Variants in BRD1 observed in about 807,000 individuals in gnomAD.
The protein encoded by BRD1 is bromodomain containing 1.
BRD1 carries 24 observed loss-of-function variants against 107.7 expected under a neutral mutation model. The ratio of observed to expected loss-of-function variants is 0.22; its 90% CI spans 0.16 to 0.31. The LOEUF (loss-of-function observed/expected upper bound fraction) is 0.31. BRD1 is among the 10% of genes least tolerant of loss of function. BRD1 has a pLI of 1.00. For missense variants in BRD1, 1,279 were observed against 1,638.6 expected (o/e 0.78, Z 3.79); for synonymous variants, 744 against 686.1 (o/e 1.08, Z -1.32).
rs145106077 is a variant in BRD1 at position 49,776,461 on chromosome 22, G to A, written c.3122-302C>T. ...CAGTCCCTTCTGAGCCCTCCTTGCC[G>A]CAAGGACGGGGCTCCCAGCATGCTC... On this transcript the variant is annotated intron_variant, in intron 10 of 12. Coordinates refer to ENST00000404760, the MANE Select transcript of BRD1 (RefSeq NM_001304808.3). Among the ~76,000 whole-genome samples the A allele has an allele frequency of 3.3e-3, 497 of 152,296 alleles. 3 individuals carry two copies. Among genetic ancestry groups the A allele is most frequent in the Non-Finnish European group, 4.8e-3 (327 of 68,012 alleles).
At chr22:49,779,005 C>G (rs537154451) in intron 8 of BRD1, among the ~76,000 whole-genome samples, 4 of 152,324 alleles carry the variant, frequency 2.6e-5, no homozygotes, top group African/African-American at 7.2e-5. Context: ...TCCTGCCTAC[C>G]TACCTCATCC....
chr22:49,789,941 G>T (rs1189576448), intron 7 of BRD1, among the ~76,000 whole-genome samples: 2 of 152,186 alleles, frequency 1.3e-5, no homozygotes, highest in Non-Finnish European at 2.9e-5. Context: ...CTAACCCCTG[G>T]TCTATCCCAA....
At position 49,783,723 on chromosome 22, in the gene BRD1, G is replaced by T. The variant is rs972494988; in HGVS notation, c.2857+3667C>A. Among the ~76,000 whole-genome samples the T allele has an allele frequency of 6.6e-6, 1 of 152,040 alleles. No homozygotes were observed. Among genetic ancestry groups the T allele is most frequent in the Non-Finnish European group, 1.5e-5 (1 of 68,008 alleles). ...GGGCGCCAGCACCATTCCCACTGCC[G>T]GGCTCTGACTTACAGAGGGGGTGGG... On this transcript the variant is annotated intron_variant, in intron 8 of 12. Coordinates refer to ENST00000404760, the MANE Select transcript of BRD1 (RefSeq NM_001304808.3). The surrounding 1 kb of genome is among the most constrained non-coding windows in gnomAD (Gnocchi z 4.2).
chr22:49,798,542 C>T lies in BRD1; in HGVS notation c.1785+16G>A, dbSNP rs779399270. ...TCACACATGCGGCAGGACAGACGAG[C>T]GCCGCAAACACCCACCTCCTTCAGA... On this transcript the variant is annotated intron_variant, in intron 5 of 12. Coordinates refer to ENST00000404760, the MANE Select transcript of BRD1 (RefSeq NM_001304808.3). 3.7e-6 allele frequency: 6 copies of T among 1,614,082 alleles called. No individual in the cohort carries two copies. Among genetic ancestry groups the T allele is most frequent in the East Asian group, 2.2e-5 (1 of 44,890 alleles).
intron 10 of BRD1, among the ~76,000 whole-genome samples, chr22:49,776,663 C>A (rs1166457424): frequency 6.6e-6 from 1 of 152,216 alleles, no homozygotes; most frequent in East Asian, 1.9e-4. Context: ...GGGCCTCCCC[C>A]TCCCCCAGGG....
At position 49,823,792 on chromosome 22, in the gene BRD1, C is replaced by G. The variant is rs1470249609; in HGVS notation, c.526G>C (p.Asp176His). ...CTCTGCGACACGGCGGGGACGCAGT[C>G]GCCCTTGCGCTTCTCATTGACGATC... is the stretch of plus-strand genomic sequence containing the variant. ...LEIVNEKRKG[D>H]CVPAVSQSMF... The change falls in exon 2 of 13, where the codon GAC becomes CAC. Residue 176 changes from aspartate (D) to histidine (H), a missense_variant. Coordinates refer to ENST00000404760, the MANE Select transcript of BRD1 (RefSeq NM_001304808.3). The G allele has an allele frequency of 1.2e-6, 2 of 1,614,120 alleles. No homozygotes were observed. Among genetic ancestry groups the G allele is most frequent in the Non-Finnish European group, 1.7e-6 (2 of 1,180,038 alleles).
Position 49,797,977 on chromosome 22 carries a change from A to T in BRD1, c.1926T>A (p.Asn642Lys), listed in dbSNP as rs780947676. 6.2e-7 allele frequency: 1 copy of T among 1,614,094 alleles called. No homozygotes were observed. The highest frequency in any genetic ancestry group is 8.5e-7 in the Non-Finnish European group (1 of 1,180,040). The change falls in exon 6 of 13, where the codon AAT becomes AAA. Residue 642 changes from asparagine to lysine, a missense_variant. Physicochemically the swap from Asn to Lys is moderately conservative, Grantham distance 94. Coordinates refer to ENST00000404760, the MANE Select transcript of BRD1 (RefSeq NM_001304808.3). ...DLIIDNCMKY[N>K]ARDTVFYRAA... Reference sequence around the variant, plus strand: ...CTCTATAGAACACGGTGTCCCTGGCATTGTACTTCATGCAGTTATCTATAA... The same window carrying T: ...CTCTATAGAACACGGTGTCCCTGGCTTTGTACTTCATGCAGTTATCTATAA...
intron 3 of BRD1, among the ~76,000 whole-genome samples, 187 bp from the exon 4 acceptor site, chr22:49,799,306 A>G (rs898055972): frequency 5.0e-5 from 7 of 140,346 alleles, no homozygotes; most frequent in Admixed American, 1.4e-4. Flanking sequence ...GGGACAGAGG[A>G]GACAGAGGGG....
chr22:49,812,705 GA>G (rs2059873273), intron 2 of BRD1, among the ~76,000 whole-genome samples: 1 of 152,252 alleles, frequency 6.6e-6, no homozygotes, highest in Non-Finnish European at 1.5e-5. Flanking sequence ...ACTCTAACCA[GA>G]AGTCTGACAA....
intron 6 of BRD1, among the ~76,000 whole-genome samples, chr22:49,794,781 C>T (rs546603998): frequency 6.6e-6 from 1 of 152,356 alleles, no homozygotes; most frequent in South Asian, 2.1e-4. Flanking sequence ...TAGCTGAAGT[C>T]TTCAGATGCT....
At chr22:49,777,641 A>G (rs1320128640) in intron 9 of BRD1, 37 bp downstream of exon 9, 1 of 1,589,660 alleles carries the variant, frequency 6.3e-7, no homozygotes, top group South Asian at 1.1e-5. Flanking sequence ...CGGTGCTGGG[A>G]GCTGCGTGGT....
intron 11 of BRD1, 123 bp downstream of exon 11, chr22:49,775,927 C>A: frequency 1.6e-6 from 2 of 1,213,764 alleles, no homozygotes; most frequent in East Asian, 5.2e-5. Flanking sequence ...TCTGACCAAC[C>A]CCGCCCCCCC....
intron 8 of BRD1, among the ~76,000 whole-genome samples, chr22:49,784,680 G>A (rs982691693): frequency 6.6e-6 from 1 of 152,230 alleles, no homozygotes; most frequent in African/African-American, 2.4e-5. Context: ...AGAAGGTTCC[G>A]GATAATTCCT....
At chr22:49,815,719 T>G (rs1348529226) in intron 2 of BRD1, among the ~76,000 whole-genome samples, 1 of 152,170 alleles carries the variant, frequency 6.6e-6, no homozygotes, top group East Asian at 1.9e-4. Context: ...AATGAGTCAG[T>G]GTCTGAAACG....
rs550467789 is a variant in BRD1, at chr22:49,823,876, C to T, written c.442G>A (p.Glu148Lys). 1.6e-5 allele frequency: 26 copies of T among 1,614,230 alleles called. No individual in the cohort carries two copies. The highest frequency in any genetic ancestry group is 2.7e-5 in the African/African-American group (2 of 75,062). ...VYYKFIEKSA[E>K]ELDNEVEYDM... ...TACTCCACCTCGTTGTCCAGTTCCT[C>T]GGCCGACTTCTCGATGAACTTGTAG... The change falls in exon 2 of 13, where the codon GAG (glutamate) becomes AAG (lysine). Residue 148 changes from glutamate (E) to lysine (K), a missense_variant. Physicochemically the swap from Glu to Lys is moderately conservative, Grantham distance 56. Around this residue, in one of 7 missense-constraint regions of BRD1, gnomAD observed 223 missense variants for 263.5 expected, o/e 0.85. Transcript: ENST00000404760.
chr22:49,786,407 C>T (rs57245240), intron 8 of BRD1, among the ~76,000 whole-genome samples: 10,928 of 152,236 alleles, frequency 0.072, 1,047 homozygotes, highest in African/African-American at 0.22. Flanking sequence ...CAAAGTGCTC[C>T]CAGCACAGCA....
rs896817680 is a variant in BRD1, at chr22:49,810,140, GAGAA to G, written c.1368-5784_1368-5781del. ...TTAATTTGGTTAAAAAAGAAAGAAA[GAGAA>G]AGAAAGAAAGCGAGCGAGCAAGCAA... On this transcript the variant is annotated intron_variant, in intron 2 of 12. Coordinates refer to ENST00000404760, the MANE Select transcript of BRD1 (RefSeq NM_001304808.3). Among the ~76,000 whole-genome samples, 10 of 152,260 alleles carry G rather than the reference GAGAA, an allele frequency of 6.6e-5. No homozygotes were observed. The East Asian group carries it at 1.7e-3, about 26-fold the overall frequency.
At position 49,798,973 on chromosome 22, in the gene BRD1, C is replaced by T; in HGVS notation, c.1656+15G>A. 1 of 1,594,636 alleles carries T rather than the reference C, an allele frequency of 6.3e-7. No homozygotes were observed. ...GGCCAGTGGTGCACTCCACGCGGGA[C>T]AGGCCCAGCCCCACCTGCTCACGCT... On this transcript the variant is annotated intron_variant, in intron 4 of 12. Coordinates refer to ENST00000404760, the MANE Select transcript of BRD1 (RefSeq NM_001304808.3).
At chr22:49,781,181 A>G (rs1420430067) in intron 8 of BRD1, among the ~76,000 whole-genome samples, 1 of 152,092 alleles carries the variant, frequency 6.6e-6, no homozygotes, top group African/African-American at 2.4e-5. Context: ...GAGGCCAAAG[A>G]CTGAACACAG....
Sources: gnomAD v4.1 joint callset for allele counts (sites outside exome capture counted in the v4.1 genomes callset) on GRCh38, gnomAD v4.1.1 for gene constraint, gnomAD v4.1.1 regional missense constraint, Gnocchi (gnomAD v3.1) non-coding constraint, MANE v1.5 for transcripts, NCBI Gene and HGNC (gene_info 2026-07-23, HGNC 2026-07-21) for gene names.